Variants in PRKN observed in about 807,000 individuals in gnomAD.
The protein encoded by PRKN is E3 ubiquitin-protein ligase parkin.
In PRKN, 56 loss-of-function variants were observed where a neutral mutation model predicts 59.5. The ratio of observed to expected loss-of-function variants is 0.94; its 90% CI spans 0.76 to 1.18. PRKN has a LOEUF of 1.18. Among genes scored for constraint, PRKN ranks in the 50% most tolerant of loss-of-function variants. The pLI is 0.00. For missense variants in PRKN, 657 were observed against 596.4 expected, an observed-to-expected ratio of 1.10 and a Z score of -1.06; for synonymous variants, 250 against 222.1, an observed-to-expected ratio of 1.13 and a Z score of -1.12.
chr6:162,159,037 T>C (rs914931525), intron 4 of PRKN, among the ~76,000 whole-genome samples: 1 of 152,040 alleles, frequency 6.6e-6, no homozygotes, highest in South Asian at 2.1e-4. Flanking sequence ...AGAGCCCATT[T>C]ACTTGTGTTT....
intron 2 of PRKN, among the ~76,000 whole-genome samples, chr6:162,283,560 C>T (rs1781023349): frequency 6.6e-6 from 1 of 152,184 alleles, no homozygotes; most frequent in Admixed American, 6.5e-5. Context: ...CTTGCTCTGT[C>T]GCCCAGGCTG....
chr6:162,334,301 T>C (rs564158179), intron 2 of PRKN, among the ~76,000 whole-genome samples: 5 of 152,292 alleles, frequency 3.3e-5, no homozygotes, highest in Admixed American at 2.6e-4. Context: ...CTTTCATAGC[T>C]AGAGAGGAAA....
chr6:161,933,981 A>G (rs1779262735), intron 6 of PRKN, among the ~76,000 whole-genome samples: 2 of 152,252 alleles, frequency 1.3e-5, no homozygotes, highest in Admixed American at 1.3e-4. Context: ...GTGTTGGTTT[A>G]TAATGCTGAT....
intron 2 of PRKN, among the ~76,000 whole-genome samples, chr6:162,288,432 T>G (rs1486766404): frequency 6.6e-6 from 1 of 152,052 alleles, no homozygotes; most frequent in African/African-American, 2.4e-5. Flanking sequence ...AAGTCTGTAA[T>G]CGGCTGGCTT....
rs1562433349 is a variant in PRKN, at chr6:161,977,541, G to GTTTTTTTT, written c.619-4125_619-4124insAAAAAAAA. On this transcript the variant is annotated intron_variant, in intron 5 of 11. Transcript: ENST00000366898. Reference sequence around the variant, plus strand: ...TATCTTCTCTACTTTCTGTTTTTTTGGTTTTTTTTTTTTTTTTTTTTTTTA... The same window carrying GTTTTTTTT: ...TATCTTCTCTACTTTCTGTTTTTTTGTTTTTTTTGTTTTTTTTTTTTTTTTTTTTTTTA... Among the ~76,000 whole-genome samples, 882 of 97,918 alleles carry GTTTTTTTT rather than the reference G, an allele frequency of 9.0e-3. 15 individuals are homozygous for GTTTTTTTT. Among genetic ancestry groups the GTTTTTTTT allele is most frequent in the East Asian group, 0.012 (41 of 3,554 alleles). 64.2% of individuals were successfully genotyped at this position (97,918 alleles called of 152,430 possible).
At chr6:162,636,370 T>A (rs1016425878) in intron 1 of PRKN, among the ~76,000 whole-genome samples, 1 of 152,150 alleles carries the variant, frequency 6.6e-6, no homozygotes, top group African/African-American at 2.4e-5. Flanking sequence ...CCACCTCCTG[T>A]GGAGCAATGT....
chr6:161,986,490 CCT>C (rs1491134261), intron 5 of PRKN, among the ~76,000 whole-genome samples: 24 of 37,840 alleles, frequency 6.3e-4, no homozygotes, highest in African/African-American at 2.3e-3. Context: ...TCTGCAGTGT[CCT>C]TTTTTTTTTT....
At chr6:161,709,380 T>G (rs1786646241) in intron 7 of PRKN, among the ~76,000 whole-genome samples, 2 of 152,222 alleles carry the variant, frequency 1.3e-5, no homozygotes, top group South Asian at 2.1e-4. Flanking sequence ...TCAATTAATT[T>G]TATATGATTG....
chr6:161,367,030 G>A (rs1317431311), intron 10 of PRKN, among the ~76,000 whole-genome samples: 2 of 114,282 alleles, frequency 1.8e-5, no homozygotes, highest in African/African-American at 7.1e-5. Flanking sequence ...TGGCTCTGTC[G>A]CCCAGGCTGG....
chr6:162,240,461 G>A (rs1403720932), intron 3 of PRKN, among the ~76,000 whole-genome samples: 1 of 152,078 alleles, frequency 6.6e-6, no homozygotes, highest in Non-Finnish European at 1.5e-5. Context: ...ACGAAAAATT[G>A]CTATGTGTCT....
At chr6:162,108,863 A>T (rs1164044134) in intron 4 of PRKN, among the ~76,000 whole-genome samples, 10 of 152,208 alleles carry the variant, frequency 6.6e-5, no homozygotes, top group Non-Finnish European at 1.5e-4. Context: ...GAGACCCACA[A>T]CTGGGGCTTA....
At chr6:162,390,098 G>A (rs1003923971) in intron 2 of PRKN, among the ~76,000 whole-genome samples, 6 of 151,906 alleles carry the variant, frequency 3.9e-5, no homozygotes, top group African/African-American at 9.7e-5. Context: ...GGGTAATAGC[G>A]CCAATGTTCA....
chr6:162,079,949 T>A (rs932835460), intron 4 of PRKN, among the ~76,000 whole-genome samples: 7 of 152,160 alleles, frequency 4.6e-5, no homozygotes, highest in Non-Finnish European at 1.0e-4. Flanking sequence ...TGCTCTGTGC[T>A]ATTGCCTACT....
At chr6:161,843,917 G>C (rs935736241) in intron 6 of PRKN, among the ~76,000 whole-genome samples, 7 of 152,088 alleles carry the variant, frequency 4.6e-5, no homozygotes, top group Non-Finnish European at 8.8e-5. Flanking sequence ...GATCCCTGTT[G>C]GGATCTCTGG....
At chr6:162,153,232 C>G (rs115468398) in intron 4 of PRKN, among the ~76,000 whole-genome samples, 1 of 152,242 alleles carries the variant, frequency 6.6e-6, no homozygotes, top group Non-Finnish European at 1.5e-5. Context: ...CCTGCTCCTT[C>G]GGCACCAGCA....
intron 2 of PRKN, among the ~76,000 whole-genome samples, chr6:162,289,638 A>T (rs953022955): frequency 4.6e-5 from 7 of 151,742 alleles, no homozygotes; most frequent in Non-Finnish European, 1.0e-4. Flanking sequence ...TGGAGGTTGC[A>T]GTGAGCCGAG....
In PRKN at chr6:161,392,504, CCTCT is replaced by C. The variant is rs67425763; in HGVS notation, c.1084-5631_1084-5628del. ...GTTATTTGCAAAATTATAGTTCAAACCTCTCTCTCTCTCTCTCTCTCTCTCTCGC... is the reference window on the plus strand; with the variant it reads ...GTTATTTGCAAAATTATAGTTCAAACCTCTCTCTCTCTCTCTCTCTCTCGC... On this transcript the variant is annotated intron_variant, in intron 9 of 11. Coordinates refer to ENST00000366898, the MANE Select transcript of PRKN (RefSeq NM_004562.3). Among the ~76,000 whole-genome samples, 525 of 145,332 alleles carry C rather than the reference CCTCT, an allele frequency of 3.6e-3. 5 individuals carry two copies. The highest frequency in any genetic ancestry group is 0.014 in the Middle Eastern group (4 of 278).
chr6:162,475,584 A>AGT lies in PRKN; in HGVS notation c.8-32113_8-32112dup, dbSNP rs796186480. Among the ~76,000 whole-genome samples the AGT allele has an allele frequency of 2.7e-3, 274 of 103,244 alleles. 4 individuals carry two copies. Among genetic ancestry groups the AGT allele is most frequent in the African/African-American group, 0.01 (249 of 24,170 alleles). 67.7% of individuals were successfully genotyped at this position (103,244 alleles called of 152,430 possible). A position where few individuals can be genotyped will look rare whatever the true frequency, so the allele number is the denominator to read the frequency against. ...ATGCATGTGAGTGTGTGTGTGCATGAGTGTGTGTGTGTTTGCATGAGTGTG... is the reference window on the plus strand; with the variant it reads ...ATGCATGTGAGTGTGTGTGTGCATGAGTGTGTGTGTGTGTTTGCATGAGTGTG... On this transcript the variant is annotated intron_variant, in intron 1 of 11. Coordinates refer to ENST00000366898, the MANE Select transcript of PRKN (RefSeq NM_004562.3).
chr6:162,191,305 T>G (rs1384053028), intron 4 of PRKN, among the ~76,000 whole-genome samples: 2 of 152,194 alleles, frequency 1.3e-5, no homozygotes, highest in Non-Finnish European at 2.9e-5. Context: ...CAATTCTGTT[T>G]CCATGTGGCA....
Sources: gnomAD v4.1 joint callset for allele counts (sites outside exome capture counted in the v4.1 genomes callset) on GRCh38, gnomAD v4.1.1 for gene constraint, MANE v1.5 for transcripts, NCBI Gene and HGNC (gene_info 2026-07-23, HGNC 2026-07-21) for gene names.